WDFY3: variants seen among roughly 807,000 people sequenced by gnomAD.
WDFY3 encodes the protein WD repeat and FYVE domain containing 3, also known as WD repeat and FYVE domain-containing protein 3.
A neutral mutation model predicts 409.6 loss-of-function variants in WDFY3; 66 were observed. The observed-to-expected ratio is 0.16, with a 90% CI of 0.13 to 0.20. WDFY3 has a LOEUF of 0.20. Among genes scored for constraint, WDFY3 ranks in the 10% least tolerant of loss-of-function variants. The probability of loss-of-function intolerance (pLI) is 1.00; values close to 1 mark genes in which losing one functional copy is unlikely to be tolerated. For missense variants in WDFY3, 3,031 were observed against 4,298.1 expected, an observed-to-expected ratio of 0.71 and a Z score of 8.24; for synonymous variants, 1,521 against 1,537.1, an observed-to-expected ratio of 0.99 and a Z score of 0.25.
At chr4:84,835,849 C>T (rs979814163) in intron 7 of WDFY3, among the ~76,000 whole-genome samples, 2 of 152,156 alleles carry the variant, frequency 1.3e-5, no homozygotes, top group Non-Finnish European at 2.9e-5. Context: ...CTTCTCCTTC[C>T]TATCTACTAT....
At chr4:84,693,678 A>ATT (rs2148871777) in intron 58 of WDFY3, among the ~76,000 whole-genome samples, 1 of 152,196 alleles carries the variant, frequency 6.6e-6, no homozygotes, top group Non-Finnish European at 1.5e-5. Context: ...CAGGCGGATC[A>ATT]TGAGGTCAGG....
At chr4:84,811,052 C>CT (rs1233651757) in intron 13 of WDFY3, among the ~76,000 whole-genome samples, 1 of 152,148 alleles carries the variant, frequency 6.6e-6, no homozygotes, top group Non-Finnish European at 1.5e-5. Flanking sequence ...GCTTGGAGTG[C>CT]TATGGCATGA....
chr4:84,837,927 T>C (rs545577413), intron 6 of WDFY3, among the ~76,000 whole-genome samples: 1 of 152,328 alleles, frequency 6.6e-6, no homozygotes, highest in East Asian at 1.9e-4. Context: ...CACAGTCGAC[T>C]GGAATTATTA....
In WDFY3 at chr4:84,678,260, C is replaced by G. The variant is rs1424043357; in HGVS notation, c.10167G>C (p.Gln3389His). Reference protein sequence around the residue: ...RLKPGYRWERQLVFRSKLTMH... With the variant: ...RLKPGYRWERHLVFRSKLTMH... ...TAGTCAGCTTACTCCTGAACACCAG[C>G]TGCCGTTCCCATCGGTACCCTGGAA... Residue 3389 changes from glutamine (Q) to histidine (H), a missense_variant, in exon 66 of 68, where the codon CAG becomes CAC. Coordinates refer to ENST00000295888, the MANE Select transcript of WDFY3 (RefSeq NM_014991.6). 1 of 1,614,086 alleles carries G rather than the reference C, an allele frequency of 6.2e-7. No individual in the cohort carries two copies. The highest frequency in any genetic ancestry group is 8.5e-7 in the Non-Finnish European group (1 of 1,179,970).
intron 67 of WDFY3, 110 bp from the exon 68 acceptor site, chr4:84,673,101 T>C: frequency 7.0e-7 from 1 of 1,438,234 alleles, no homozygotes; most frequent in Non-Finnish European, 9.5e-7. Context: ...CCAAAGGCCA[T>C]ACTGGTTTGT....
intron 2 of WDFY3, among the ~76,000 whole-genome samples, chr4:84,929,471 C>A (rs185482034): frequency 2.8e-5 from 4 of 140,582 alleles, no homozygotes; most frequent in Non-Finnish European, 3.1e-5. Context: ...TGAATTGCGC[C>A]CCCCCCCCCA....
intron 44 of WDFY3, among the ~76,000 whole-genome samples, chr4:84,732,592 T>A (rs1222844286): frequency 2.6e-5 from 4 of 152,170 alleles, no homozygotes; most frequent in Non-Finnish European, 5.9e-5. Flanking sequence ...TTTGATTGTT[T>A]TAGATGCCCC....
At chr4:84,735,211 T>C in intron 42 of WDFY3, 91 bp from the exon 43 acceptor site, 2 of 1,207,734 alleles carry the variant, frequency 1.7e-6, no homozygotes, top group Non-Finnish European at 2.3e-6. Context: ...AAATAATTGG[T>C]TAAAATTCTG....
In WDFY3 at chr4:84,792,536, A is replaced by C. The variant is rs151128500; in HGVS notation, c.3487+1983T>G. ...ACTGAGTGGTGTGTCAGGATATCTCAGTGAGCCAACTGGTTTATGACAACT... is the reference window on the plus strand; with the variant it reads ...ACTGAGTGGTGTGTCAGGATATCTCCGTGAGCCAACTGGTTTATGACAACT... On this transcript the variant is annotated intron_variant, in intron 21 of 67. Transcript: ENST00000295888. Among the ~76,000 whole-genome samples, 752 of 152,288 alleles carry C rather than the reference A, an allele frequency of 4.9e-3. 6 individuals are homozygous for C. Among genetic ancestry groups the C allele is most frequent in the African/African-American group, 0.017 (722 of 41,564 alleles).
At chr4:84,675,083 G>A (rs76117213) in intron 67 of WDFY3, among the ~76,000 whole-genome samples, 2,861 of 151,610 alleles carry the variant, frequency 0.019, 34 homozygotes, top group Non-Finnish European at 0.027. Context: ...TGATTCTCTC[G>A]CCTCAACCTC....
chr4:84,866,205 C>T (rs1761374529), intron 3 of WDFY3, among the ~76,000 whole-genome samples: 1 of 152,128 alleles, frequency 6.6e-6, no homozygotes, highest in Admixed American at 6.6e-5. Context: ...TACCAAATAA[C>T]ACTTCAGCAT....
chr4:84,762,291 T>G (rs1405556711), intron 32 of WDFY3, among the ~76,000 whole-genome samples: 1 of 151,738 alleles, frequency 6.6e-6, no homozygotes, highest in Admixed American at 6.6e-5. Context: ...CCATAAAAAA[T>G]GATGAGTTCA....
At chr4:84,698,297 T>C (rs1018360073) in intron 56 of WDFY3, among the ~76,000 whole-genome samples, 56 of 150,832 alleles carry the variant, frequency 3.7e-4, no homozygotes, top group African/African-American at 1.3e-3. Context: ...TATATTTTTT[T>C]TTTTTGAGAC....
chr4:84,949,752 C>A (rs950701368), intron 1 of WDFY3, among the ~76,000 whole-genome samples: 3 of 152,234 alleles, frequency 2.0e-5, no homozygotes, highest in African/African-American at 4.8e-5. Context: ...AGCTAAAGAT[C>A]AAGCCACAGA....
chr4:84,747,469 G>A (rs1052537779), intron 36 of WDFY3, among the ~76,000 whole-genome samples: 1 of 152,128 alleles, frequency 6.6e-6, no homozygotes, highest in African/African-American at 2.4e-5. Flanking sequence ...TCCTCAGGGT[G>A]GGTTTCACTC....
intron 5 of WDFY3, chr4:84,844,637 T>C: frequency 1.5e-6 from 1 of 659,878 alleles, no homozygotes; most frequent in Non-Finnish European, 2.2e-6. Context: ...TATTGGGGAT[T>C]GCACTACTAG....
intron 25 of WDFY3, 145 bp from the exon 26 acceptor site, chr4:84,780,443 T>A: frequency 2.1e-6 from 2 of 958,100 alleles, no homozygotes; most frequent in Non-Finnish European, 2.9e-6. Flanking sequence ...GGGAAAGCAT[T>A]AAAGGTAGAA....
chr4:84,691,488 T>C (rs1372437342), intron 60 of WDFY3, 143 bp downstream of exon 60: 2 of 835,740 alleles, frequency 2.4e-6, no homozygotes, highest in Non-Finnish European at 3.6e-6. Context: ...TTTCCCCAAA[T>C]AGGAAAGCTC....
chr4:84,861,092 T>C (rs967737439), intron 3 of WDFY3, among the ~76,000 whole-genome samples: 1 of 152,004 alleles, frequency 6.6e-6, no homozygotes, highest in Non-Finnish European at 1.5e-5. Flanking sequence ...GCGCGTATAG[T>C]CCCAAGTACT....
Sources: allele counts gnomAD v4.1 joint callset (sites outside exome capture counted in the v4.1 genomes callset), GRCh38; gene constraint gnomAD v4.1.1; transcripts MANE v1.5; gene names NCBI Gene and HGNC (gene_info 2026-07-23, HGNC 2026-07-21).